The following ENTREP2 variants were observed in gnomAD, a reference collection of about 807,000 sequenced individuals.
The protein encoded by ENTREP2 is endosomal transmembrane epsin interactor 2.
chr15:29,123,775 G>A, the ENTREP2 span: 3 of 1,004,398 alleles, frequency 3.0e-6, no homozygotes, highest in East Asian at 2.6e-5. Flanking sequence ...CCTGGGGCTG[G>A]CGCTCTGGGC....
the ENTREP2 span, among the ~76,000 whole-genome samples, chr15:29,368,912 T>C: frequency 6.6e-6 from 1 of 151,408 alleles, no homozygotes; most frequent in Non-Finnish European, 1.5e-5. Flanking sequence ...AAATTATAGA[T>C]TGAAAAGTAC....
the ENTREP2 span, among the ~76,000 whole-genome samples, chr15:29,478,400 T>C: frequency 6.6e-6 from 1 of 152,130 alleles, no homozygotes; most frequent in Non-Finnish European, 1.5e-5. Context: ...TAAAAAATAT[T>C]CAGATGTTGT....
the ENTREP2 span, among the ~76,000 whole-genome samples, chr15:29,625,785 T>C: frequency 2.0e-5 from 3 of 152,234 alleles, no homozygotes; most frequent in African/African-American, 4.8e-5. Flanking sequence ...TTCCAGTTTC[T>C]CAACATCCTT....
the ENTREP2 span, among the ~76,000 whole-genome samples, chr15:29,478,684 C>G: frequency 2.0e-5 from 3 of 151,620 alleles, no homozygotes; most frequent in African/African-American, 7.3e-5. Flanking sequence ...GCAGGAGGAT[C>G]ACTTGAGGTC....
chr15:29,408,040 A>C, the ENTREP2 span, among the ~76,000 whole-genome samples: 11 of 152,202 alleles, frequency 7.2e-5, no homozygotes, highest in Non-Finnish European at 1.3e-4. Flanking sequence ...ACAGTAGGTG[A>C]AATCTGAGGG....
the ENTREP2 span, among the ~76,000 whole-genome samples, chr15:29,483,253 A>C: frequency 0.012 from 1,819 of 152,320 alleles, 35 homozygotes; most frequent in African/African-American, 0.042. Flanking sequence ...GATCACATAT[A>C]ACTTCTGCAA....
At chr15:29,482,595 T>C in the ENTREP2 span, among the ~76,000 whole-genome samples, 3 of 152,232 alleles carry the variant, frequency 2.0e-5, no homozygotes, top group African/African-American at 7.2e-5. Context: ...CACAGCAGTG[T>C]GTAGCCTCTT....
chr15:29,179,396 T>C, the ENTREP2 span, among the ~76,000 whole-genome samples: 1 of 152,306 alleles, frequency 6.6e-6, no homozygotes, highest in South Asian at 2.1e-4. Flanking sequence ...ATAATGGCAC[T>C]TGGGAGCAAA....
chr15:29,286,135 A>G, the ENTREP2 span, among the ~76,000 whole-genome samples: 2,558 of 152,314 alleles, frequency 0.017, 42 homozygotes, highest in South Asian at 0.065. Flanking sequence ...AGAAATAACA[A>G]AGAAAGCTGC....
the ENTREP2 span, among the ~76,000 whole-genome samples, chr15:29,257,983 G>A: frequency 3.9e-4 from 59 of 152,060 alleles, no homozygotes; most frequent in African/African-American, 2.4e-5. Context: ...AGGCTGAGGC[G>A]GGTGAATCAT....
At chr15:29,238,762 G>A in the ENTREP2 span, among the ~76,000 whole-genome samples, 118 of 152,258 alleles carry the variant, frequency 7.7e-4, 1 homozygote, top group African/African-American at 2.8e-3. Flanking sequence ...AAGCAGGCAC[G>A]TCTTACATGG....
At chr15:29,443,372 TGCCC>T in the ENTREP2 span, among the ~76,000 whole-genome samples, 4 of 152,120 alleles carry the variant, frequency 2.6e-5, no homozygotes, top group African/African-American at 7.2e-5. Context: ...CATCCAAAGA[TGCCC>T]GGCGTTCCAA....
the ENTREP2 span, among the ~76,000 whole-genome samples, chr15:29,157,355 C>A: frequency 6.6e-6 from 1 of 152,202 alleles, no homozygotes; most frequent in Non-Finnish European, 1.5e-5. Flanking sequence ...CATCAGACTT[C>A]AGGGGCCTGG....
At chr15:29,179,776 G>A in the ENTREP2 span, among the ~76,000 whole-genome samples, 1 of 151,676 alleles carries the variant, frequency 6.6e-6, no homozygotes, top group Non-Finnish European at 1.5e-5. Flanking sequence ...TAGTACAGAC[G>A]GGGTTTCACC....
chr15:29,599,311 A>G, the ENTREP2 span, among the ~76,000 whole-genome samples: 1 of 152,220 alleles, frequency 6.6e-6, no homozygotes, highest in African/African-American at 2.4e-5. Context: ...ATTTAGACTA[A>G]TAAGGATGGA....
At chr15:29,227,436 A>G in the ENTREP2 span, among the ~76,000 whole-genome samples, 2 of 152,168 alleles carry the variant, frequency 1.3e-5, no homozygotes, top group African/African-American at 4.8e-5. Flanking sequence ...GCAAGGCAGG[A>G]AAAGCGGAGG....
chr15:29,566,971 T>C, the ENTREP2 span, among the ~76,000 whole-genome samples: 1 of 152,106 alleles, frequency 6.6e-6, no homozygotes, highest in Admixed American at 6.6e-5. Flanking sequence ...GTTCTGGGCA[T>C]TAATAAAATC....
chr15:29,439,434 A>C, the ENTREP2 span, among the ~76,000 whole-genome samples: 2 of 152,128 alleles, frequency 1.3e-5, no homozygotes, highest in Non-Finnish European at 2.9e-5. Flanking sequence ...TTACAACCTA[A>C]AGGCCAAAAT....
chr15:29,494,678 G>A, the ENTREP2 span, among the ~76,000 whole-genome samples: 1 of 152,166 alleles, frequency 6.6e-6, no homozygotes, highest in African/African-American at 2.4e-5. Context: ...CACAGGCCCA[G>A]CCCCTGCAAC....
Sources: allele counts gnomAD v4.1 joint callset (sites outside exome capture counted in the v4.1 genomes callset), GRCh38; gene constraint gnomAD v4.1.1; transcripts MANE v1.5; gene names NCBI Gene and HGNC (gene_info 2026-07-23, HGNC 2026-07-21).